LRP1B: variants seen among roughly 807,000 people sequenced by gnomAD.
LRP1B encodes low-density lipoprotein receptor-related protein 1B.
LRP1B carries 217 observed loss-of-function variants against 556.6 expected under a neutral mutation model. The ratio of observed to expected loss-of-function variants is 0.39; its 90% CI spans 0.35 to 0.44. The LOEUF (loss-of-function observed/expected upper bound fraction) is 0.44. Ranked by LOEUF, LRP1B falls within the 20% of genes least tolerant of loss-of-function variation. The pLI is 1.00. For synonymous variants in LRP1B, 2,047 were observed against 1,865.8 expected, an observed-to-expected ratio of 1.10 and a Z score of -2.50; for missense variants, 5,053 against 5,620.8, an observed-to-expected ratio of 0.90 and a Z score of 3.23.
intron 25 of LRP1B, among the ~76,000 whole-genome samples, chr2:140,881,249 TGTAA>T (rs957588704): frequency 2.2e-4 from 20 of 92,288 alleles, no homozygotes; most frequent in African/African-American, 6.2e-4. Flanking sequence ...TTGGCTTTGC[TGTAA>T]GTGTGTGTGT....
At chr2:141,178,860 A>T (rs1271586675) in intron 7 of LRP1B, among the ~76,000 whole-genome samples, 3 of 152,076 alleles carry the variant, frequency 2.0e-5, no homozygotes, top group African/African-American at 7.2e-5. Flanking sequence ...ACTCCTTGAT[A>T]GGCAGGAGAA....
intron 41 of LRP1B, among the ~76,000 whole-genome samples, chr2:140,687,860 T>C (rs901239028): frequency 6.6e-6 from 1 of 152,116 alleles, no homozygotes; most frequent in African/African-American, 2.4e-5. Context: ...CTGAATTCAC[T>C]TGTGCCCTTG....
In LRP1B at chr2:140,378,215, C is replaced by T. The variant is rs774024032; in HGVS notation, c.10603G>A (p.Asp3535Asn). Residue 3535 changes from aspartate to asparagine, a missense_variant, in exon 68 of 91, where the codon GAT (aspartate) becomes AAT (asparagine). Around this residue, in one of 5 missense-constraint regions of LRP1B, gnomAD observed 599 missense variants for 648.4 expected, o/e 0.92. Transcript: ENST00000389484. ...CCATCTGCACAGTCAAAATCTCCAT[C>T]ACACCAAAACCTTGAAGAAACACAG... The part of the protein sequence containing the change: ...GDCVSSRFWC[D>N]GDFDCADGSD... The T allele has an allele frequency of 6.2e-7, 1 of 1,613,734 alleles. No homozygotes were observed. Among genetic ancestry groups the T allele is most frequent in the East Asian group, 2.2e-5 (1 of 44,852 alleles).
intron 66 of LRP1B, among the ~76,000 whole-genome samples, chr2:140,442,272 GT>G (rs1686462417): frequency 6.6e-6 from 1 of 152,096 alleles, no homozygotes; most frequent in African/African-American, 2.4e-5. Context: ...TTTGGTCTAT[GT>G]TTTATAAAGT....
At chr2:141,260,014 C>T (rs1007380212) in intron 3 of LRP1B, among the ~76,000 whole-genome samples, 4 of 152,044 alleles carry the variant, frequency 2.6e-5, no homozygotes, top group African/African-American at 9.7e-5. Flanking sequence ...TTTATTTTTA[C>T]ATTAGAAGCG....
intron 3 of LRP1B, among the ~76,000 whole-genome samples, chr2:141,277,198 A>G (rs1685334606): frequency 1.3e-5 from 2 of 152,272 alleles, no homozygotes; most frequent in South Asian, 4.1e-4. Context: ...GTTTCAAGCT[A>G]TTTGAGAAAT....
chr2:140,846,369 G>A (rs10198607), intron 29 of LRP1B, among the ~76,000 whole-genome samples: 6,521 of 152,048 alleles, frequency 0.043, 474 homozygotes, highest in African/African-American at 0.15. Flanking sequence ...CTCCCCTCAC[G>A]AAAGCCTGAA....
chr2:140,956,501 A>G (rs1417876353), intron 18 of LRP1B, among the ~76,000 whole-genome samples: 2 of 151,748 alleles, frequency 1.3e-5, no homozygotes, highest in African/African-American at 4.8e-5. Flanking sequence ...TCTTATGAAA[A>G]GTGGTGCTTT....
At chr2:141,592,276 C>G (rs761289761) in intron 2 of LRP1B, among the ~76,000 whole-genome samples, 16 of 152,116 alleles carry the variant, frequency 1.1e-4, no homozygotes, top group Non-Finnish European at 2.2e-4. Context: ...TTATACGTGA[C>G]AGAAATTTAT....
At chr2:140,743,777 G>C (rs1026064760) in intron 35 of LRP1B, among the ~76,000 whole-genome samples, 3 of 151,622 alleles carry the variant, frequency 2.0e-5, no homozygotes, top group Non-Finnish European at 4.4e-5. Context: ...GGCCAACATG[G>C]TGAAACCCTG....
chr2:141,076,211 A>T (rs559331423), intron 7 of LRP1B, among the ~76,000 whole-genome samples: 1 of 152,300 alleles, frequency 6.6e-6, no homozygotes, highest in South Asian at 2.1e-4. Flanking sequence ...AAGCTGGTGA[A>T]GGGAAACAAC....
chr2:141,786,007 G>T (rs1390043303), intron 2 of LRP1B, among the ~76,000 whole-genome samples: 1 of 151,826 alleles, frequency 6.6e-6, no homozygotes. Flanking sequence ...CCACATTATT[G>T]TTTTGGAGAT....
rs144539859 is a variant in LRP1B, at chr2:140,483,421, T to C, written c.9425+1922A>G. Among the ~76,000 whole-genome samples the C allele has an allele frequency of 3.4e-3, 517 of 151,702 alleles. 8 individuals are homozygous for C. The highest frequency in any genetic ancestry group is 0.012 in the African/African-American group (478 of 41,432). ...AGAATAGGACACAGGTTTTGCTTCA[T>C]AAATAGAAAAGACCACAGACTGCTA... On this transcript the variant is annotated intron_variant, in intron 59 of 90. Transcript: ENST00000389484.
chr2:141,757,900 G>A (rs1456243876), intron 2 of LRP1B, among the ~76,000 whole-genome samples: 5 of 82,626 alleles, frequency 6.1e-5, no homozygotes, highest in South Asian at 3.7e-4. Context: ...TTAATTCAGC[G>A]TTTTTCCAGC....
At chr2:140,435,457 A>T (rs1243133620) in intron 66 of LRP1B, among the ~76,000 whole-genome samples, 1 of 152,178 alleles carries the variant, frequency 6.6e-6, no homozygotes, top group Non-Finnish European at 1.5e-5. Context: ...GCATCAATTT[A>T]GATTTCTAAT....
At chr2:140,540,846 G>C in intron 45 of LRP1B, 127 bp downstream of exon 45, 1 of 1,083,188 alleles carries the variant, frequency 9.2e-7, no homozygotes, top group Non-Finnish European at 1.3e-6. Flanking sequence ...AGAGCAGAGA[G>C]ATAACATGAC....
intron 1 of LRP1B, among the ~76,000 whole-genome samples, chr2:141,849,432 C>T (rs1435595): frequency 0.18 from 27,037 of 151,380 alleles, 2,919 homozygotes; most frequent in East Asian, 0.33. Flanking sequence ...ATCTTAAGCA[C>T]GCCAAAGAAA....
At chr2:141,609,115 C>G (rs971947898) in intron 2 of LRP1B, among the ~76,000 whole-genome samples, 9 of 152,076 alleles carry the variant, frequency 5.9e-5, no homozygotes, top group Non-Finnish European at 2.9e-5. Flanking sequence ...TAATATCTTA[C>G]GTCAACAATG....
At chr2:140,417,003 G>A (rs189406716) in intron 66 of LRP1B, among the ~76,000 whole-genome samples, 87 of 152,256 alleles carry the variant, frequency 5.7e-4, no homozygotes, top group African/African-American at 2.0e-3. Context: ...AAAGAAAACT[G>A]CATTTAAAAG....
Sources: gnomAD v4.1 joint callset for allele counts (sites outside exome capture counted in the v4.1 genomes callset) on GRCh38, gnomAD v4.1.1 for gene constraint, gnomAD v4.1.1 regional missense constraint, MANE v1.5 for transcripts, NCBI Gene and HGNC (gene_info 2026-07-23, HGNC 2026-07-21) for gene names.